Variants in TRAPPC12 observed in about 807,000 individuals in gnomAD.
The protein encoded by TRAPPC12 is TPR repeat protein 15.
A neutral mutation model predicts 69.2 loss-of-function variants in TRAPPC12; 61 were observed. That is an observed-to-expected ratio of 0.88 (90% confidence interval 0.72 to 1.09). The LOEUF (loss-of-function observed/expected upper bound fraction) is 1.09, where lower values mean the gene tolerates loss of function less well. Ranked by LOEUF, TRAPPC12 falls within the 50% of genes least tolerant of loss-of-function variation. The probability of loss-of-function intolerance (pLI) is 0.00; values close to 1 mark genes in which losing one functional copy is unlikely to be tolerated. For synonymous variants in TRAPPC12, 469 were observed against 438.9 expected (o/e 1.07, Z -0.86); for missense variants, 1,101 against 1,016.4 (o/e 1.08, Z -1.13).
chr2:3,388,552 G>C lies in TRAPPC12; in HGVS notation c.929G>C (p.Trp310Ser). 6.2e-7 allele frequency: 1 copy of C among 1,613,034 alleles called. No homozygotes were observed. Among genetic ancestry groups the C allele is most frequent in the Non-Finnish European group, 8.5e-7 (1 of 1,179,742 alleles). Reference protein sequence around the residue: ...MSEMDRRNDAWLPGEATRGVL... With the variant: ...MSEMDRRNDASLPGEATRGVL... ...GAGATGGACCGGAGGAACGACGCCT[G>C]GCTTCCCGGCGAGGCTACGCGTGGA... Residue 310 changes from tryptophan to serine, a missense_variant, in exon 2 of 12, where the codon TGG becomes TCG. Physicochemically the swap from Trp to Ser is radical, Grantham distance 177. Transcript: ENST00000324266.
Position 3,443,784 on chromosome 2 carries a change from A to C in TRAPPC12, c.1423A>C (p.Met475Leu). The stretch of plus-strand genomic sequence containing the variant: ...CAGCACTGATTGGATTCCAGGCTCC[A>C]TGGTCCCCTTCTCGATGCGCATCTT... ...PHVYPGRRGS[M>L]VPFSMRILHA... Residue 475 changes from methionine to leucine, a missense_variant, in exon 6 of 12, where the codon ATG becomes CTG. Physicochemically the swap from Met to Leu is conservative, Grantham distance 15 (BLOSUM62 2). Transcript: ENST00000324266. The C allele has an allele frequency of 6.2e-7, 1 of 1,613,992 alleles. No individual in the cohort carries two copies. Among genetic ancestry groups the C allele is most frequent in the East Asian group, 2.2e-5 (1 of 44,876 alleles).
intron 6 of TRAPPC12, chr2:3,457,135 T>C: frequency 2.2e-6 from 1 of 464,300 alleles, no homozygotes; most frequent in South Asian, 1.5e-5. Flanking sequence ...AAGAACCAAA[T>C]CATGTTGTTT....
chr2:3,442,194 C>T (rs558242639), intron 5 of TRAPPC12, among the ~76,000 whole-genome samples: 4 of 152,056 alleles, frequency 2.6e-5, no homozygotes, highest in Admixed American at 6.6e-5. Flanking sequence ...AAACTGAGAT[C>T]GGAGTATTAA....
intron 9 of TRAPPC12, among the ~76,000 whole-genome samples, chr2:3,472,119 G>A (rs137862548): frequency 2.6e-4 from 39 of 152,254 alleles, no homozygotes; most frequent in African/African-American, 9.1e-4. Context: ...ACCACTCACC[G>A]CTATGGCTGA....
intron 1 of TRAPPC12, among the ~76,000 whole-genome samples, chr2:3,387,332 C>G (rs1348402853): frequency 1.3e-5 from 2 of 151,986 alleles, no homozygotes; most frequent in Non-Finnish European, 2.9e-5. Context: ...GGTGGATGCT[C>G]TAGGCGGGGG....
At chr2:3,447,742 G>A (rs1229841354) in intron 6 of TRAPPC12, among the ~76,000 whole-genome samples, 1 of 152,200 alleles carries the variant, frequency 6.6e-6, no homozygotes, top group African/African-American at 2.4e-5. Flanking sequence ...TGCCGGTGTT[G>A]ATTTGCTGGA....
intron 3 of TRAPPC12, among the ~76,000 whole-genome samples, chr2:3,402,462 T>G (rs1005041407): frequency 2.0e-5 from 3 of 151,964 alleles, no homozygotes; most frequent in African/African-American, 7.2e-5. Flanking sequence ...GGTGGTGCGT[T>G]CCTGTAATCC....
intron 3 of TRAPPC12, among the ~76,000 whole-genome samples, chr2:3,402,346 C>T (rs532941676): frequency 4.9e-4 from 74 of 152,290 alleles, no homozygotes; most frequent in Non-Finnish European, 9.0e-4. Flanking sequence ...AATCCCAGCA[C>T]TTTGGGAGGC....
chr2:3,388,271 C>A lies in TRAPPC12; in HGVS notation c.648C>A (p.Ser216Arg), dbSNP rs1423014589. Residue 216 changes from serine to arginine, a missense_variant, in exon 2 of 12, where the codon AGC (serine) becomes AGA (arginine). Physicochemically the swap from Ser to Arg is moderately radical, Grantham distance 110 (BLOSUM62 -1). Transcript: ENST00000324266. ...CGTTCTTCGGAGACACGGCCGCCAG[C>A]CACTCCTTGGCCTCGGACTTCTTCG... is the stretch of plus-strand genomic sequence containing the variant. ...LSTFFGDTAASHSLASDFFDS... is the reference protein window; with the variant it reads ...LSTFFGDTAARHSLASDFFDS... 6.2e-7 allele frequency: 1 copy of A among 1,607,892 alleles called. No individual in the cohort carries two copies. The highest frequency in any genetic ancestry group is 8.5e-7 in the Non-Finnish European group (1 of 1,177,130).
intron 6 of TRAPPC12, among the ~76,000 whole-genome samples, chr2:3,449,734 T>C (rs1293541652): frequency 6.6e-6 from 1 of 152,160 alleles, no homozygotes; most frequent in African/African-American, 2.4e-5. Flanking sequence ...ACTCAGGGCC[T>C]GGCCACCCGC....
chr2:3,403,161 C>T (rs1223763391), intron 3 of TRAPPC12, among the ~76,000 whole-genome samples: 2 of 151,648 alleles, frequency 1.3e-5, no homozygotes, highest in African/African-American at 4.9e-5. Flanking sequence ...ACTTATTTTT[C>T]TAATAGTTCC....
In TRAPPC12 at chr2:3,396,157, GC is replaced by G. The variant is rs1661118517; in HGVS notation, c.1048-5617del. ...TGGGATTACAGGCATGAGCCACCAT[GC>G]CCAGCCTCATCTTCGTTATTAAAGT... On this transcript the variant is annotated intron_variant, in intron 2 of 11. Transcript: ENST00000324266. Among the ~76,000 whole-genome samples, 3 of 152,042 alleles carry G rather than the reference GC, an allele frequency of 2.0e-5. No homozygotes were observed. In the East Asian group the frequency reaches 5.8e-4, roughly 29 times the overall value.
chr2:3,450,162 C>T (rs568068031), intron 6 of TRAPPC12, among the ~76,000 whole-genome samples: 28 of 152,238 alleles, frequency 1.8e-4, no homozygotes, highest in South Asian at 6.2e-4. Flanking sequence ...CGTGGCAACC[C>T]GATTCAAAAC....
chr2:3,438,604 C>G (rs1236275081), intron 5 of TRAPPC12, among the ~76,000 whole-genome samples: 1 of 136,888 alleles, frequency 7.3e-6, no homozygotes, highest in African/African-American at 2.7e-5. Context: ...CTGGGTTAAT[C>G]CCCCATCACC....
In TRAPPC12 at chr2:3,395,560, CTTTTTT is replaced by C. The variant is rs10671671; in HGVS notation, c.1048-6202_1048-6197del. On this transcript the variant is annotated intron_variant, in intron 2 of 11. Transcript: ENST00000324266. ...GCTTTTATTAGTTTCAAAATTATTACTTTTTTTTTTTTTTTTTTTTGAGACAGAATC... is the reference window on the plus strand; with the variant it reads ...GCTTTTATTAGTTTCAAAATTATTACTTTTTTTTTTTTTTGAGACAGAATC... 1.5e-3 allele frequency among the ~76,000 whole-genome samples: 181 copies of C among 118,132 alleles called. 2 individuals carry two copies. The East Asian group carries it at 0.022, about 14-fold the overall frequency. The allele number at this position is 118,132 out of a possible 152,430, so 77.5% of individuals were successfully genotyped here. A position where few individuals can be genotyped will look rare whatever the true frequency, so the allele number is the denominator to read the frequency against.
At chr2:3,444,077 A>G (rs1368551409) in intron 6 of TRAPPC12, among the ~76,000 whole-genome samples, 186 bp downstream of exon 6, 1 of 152,136 alleles carries the variant, frequency 6.6e-6, no homozygotes, top group Non-Finnish European at 1.5e-5. Context: ...AATCTTTTTT[A>G]GGGATGGTAA....
intron 5 of TRAPPC12, 74 bp downstream of exon 5, chr2:3,424,737 T>C: frequency 1.4e-6 from 2 of 1,434,138 alleles, no homozygotes; most frequent in African/African-American, 1.5e-5. Context: ...ATACATAATT[T>C]CGTAGCCTCA....
intron 5 of TRAPPC12, among the ~76,000 whole-genome samples, chr2:3,440,849 G>A (rs1327428787): frequency 6.6e-6 from 1 of 152,096 alleles, no homozygotes; most frequent in African/African-American, 2.4e-5. Flanking sequence ...TTCCTAGTTG[G>A]CTGAGAGTTT....
In TRAPPC12 at chr2:3,478,883, G is replaced by T. The variant is rs1176569439; in HGVS notation, c.1915G>T (p.Ala639Ser). The T allele has an allele frequency of 1.2e-6, 2 of 1,614,148 alleles. No homozygotes were observed. The highest frequency in any genetic ancestry group is 1.7e-6 in the Non-Finnish European group (2 of 1,180,042). ...CCTCGGGCAGAATAACTTTGCAGAA[G>T]CCCACAGGTTCTTCACAGAGATCTT... is the stretch of plus-strand genomic sequence containing the variant. The part of the protein sequence containing the change: ...LHLGQNNFAE[A>S]HRFFTEILRM... The change falls in exon 11 of 12, where the codon GCC (alanine) becomes TCC (serine). Residue 639 changes from alanine (A) to serine (S), a missense_variant. Transcript: ENST00000324266.
Sources: allele counts gnomAD v4.1 joint callset (sites outside exome capture counted in the v4.1 genomes callset), GRCh38; gene constraint gnomAD v4.1.1; transcripts MANE v1.5; gene names NCBI Gene and HGNC (gene_info 2026-07-23, HGNC 2026-07-21).